The following CDH2 variants were observed in gnomAD, a reference collection of about 807,000 sequenced individuals.
CDH2 encodes cadherin-2.
CDH2 carries 17 observed loss-of-function variants against 92.0 expected under a neutral mutation model. That is an observed-to-expected ratio of 0.18 (90% CI 0.13 to 0.28). The LOEUF is 0.28. Among genes scored for constraint, CDH2 ranks in the 10% least tolerant of loss-of-function variants. The probability of loss-of-function intolerance (pLI) is 1.00; values close to 1 mark genes in which losing one functional copy is unlikely to be tolerated. For missense variants in CDH2, 862 were observed against 1,133.1 expected (o/e 0.76, Z 3.44); for synonymous variants, 419 against 415.9 (o/e 1.01, Z -0.09).
At chr18:28,155,271 GTAATAA>G (rs150527560) in intron 1 of CDH2, among the ~76,000 whole-genome samples, 1 of 151,634 alleles carries the variant, frequency 6.6e-6, no homozygotes, top group Admixed American at 6.6e-5. Flanking sequence ...TTCCTCCTCT[GTAATAA>G]TAATAATAAT....
intron 9 of CDH2, among the ~76,000 whole-genome samples, chr18:27,991,779 G>A (rs867027016): frequency 3.3e-5 from 5 of 152,028 alleles, no homozygotes; most frequent in Admixed American, 2.6e-4. Flanking sequence ...TTCTACTCCC[G>A]CATCTGCATA....
chr18:28,059,035 C>T (rs1370176588), intron 2 of CDH2, among the ~76,000 whole-genome samples: 1 of 152,126 alleles, frequency 6.6e-6, no homozygotes, highest in East Asian at 1.9e-4. Context: ...TTTATGGGGG[C>T]CCTTGCTAAG....
intron 7 of CDH2, among the ~76,000 whole-genome samples, chr18:28,001,589 C>T (rs891590197): frequency 1.3e-5 from 2 of 151,846 alleles, no homozygotes; most frequent in Admixed American, 1.3e-4. Flanking sequence ...TGAAAATATA[C>T]ACATGTTACT....
intron 2 of CDH2, among the ~76,000 whole-genome samples, chr18:28,061,861 T>A (rs1014474757): frequency 2.0e-5 from 3 of 152,068 alleles, no homozygotes; most frequent in Non-Finnish European, 2.9e-5. Flanking sequence ...CTTACTATCA[T>A]GAGAATATCA....
intron 14 of CDH2, among the ~76,000 whole-genome samples, chr18:27,975,091 T>C (rs1235320424): frequency 1.3e-5 from 2 of 152,190 alleles, no homozygotes; most frequent in Non-Finnish European, 2.9e-5. Context: ...TTCTCAGTCC[T>C]GGAATGGGAA....
chr18:28,176,117 T>C (rs748585263), intron 1 of CDH2, among the ~76,000 whole-genome samples: 2 of 152,042 alleles, frequency 1.3e-5, no homozygotes, highest in Non-Finnish European at 2.9e-5. Flanking sequence ...AGGAGCCTCT[T>C]AGTAGAGATT....
chr18:28,139,401 C>T (rs544370607), intron 2 of CDH2, among the ~76,000 whole-genome samples: 1 of 152,084 alleles, frequency 6.6e-6, no homozygotes, highest in African/African-American at 2.4e-5. Context: ...CAACTACCAC[C>T]CAATTTCTTC....
At chr18:28,121,583 TG>T (rs2015588265) in intron 2 of CDH2, among the ~76,000 whole-genome samples, 1 of 152,176 alleles carries the variant, frequency 6.6e-6, no homozygotes, top group East Asian at 1.9e-4. Flanking sequence ...TCTCCAGCTC[TG>T]GATGTCCTCC....
intron 2 of CDH2, among the ~76,000 whole-genome samples, chr18:28,017,693 T>G (rs1031674326): frequency 1.3e-5 from 2 of 152,064 alleles, no homozygotes; most frequent in African/African-American, 4.8e-5. Context: ...TTCCTTAAGG[T>G]GTGACCTTAA....
Position 27,963,312 on chromosome 18 carries a change from CATGAA to C in CDH2, c.2514+40_2514+44del, listed in dbSNP as rs1372130104. On this transcript the variant is annotated intron_variant, in intron 15 of 15. Transcript: ENST00000269141. ...TGGCCTACAGAGATCTAACCATTAG[CATGAA>C]ATGAAAACTCTTATAGAGAAAACGA... 3 of 1,579,180 alleles carry C rather than the reference CATGAA, an allele frequency of 1.9e-6. No individual in the cohort carries two copies. In the South Asian group the frequency reaches 3.3e-5, roughly 18 times the overall value.
chr18:28,064,428 G>A (rs2014466433), intron 2 of CDH2, among the ~76,000 whole-genome samples: 2 of 152,134 alleles, frequency 1.3e-5, no homozygotes, highest in Non-Finnish European at 2.9e-5. Flanking sequence ...ACCACACCTG[G>A]CATCCTCTTT....
At chr18:28,074,176 A>G (rs955065902) in intron 2 of CDH2, among the ~76,000 whole-genome samples, 6 of 152,196 alleles carry the variant, frequency 3.9e-5, no homozygotes, top group African/African-American at 1.4e-4. Context: ...GGTGAACTTA[A>G]TATGTGGATG....
chr18:28,071,521 T>G (rs2014617862), intron 2 of CDH2, among the ~76,000 whole-genome samples: 1 of 152,166 alleles, frequency 6.6e-6, no homozygotes, highest in Non-Finnish European at 1.5e-5. Context: ...TTCCCAGGAC[T>G]GCACAAGTCA....
At chr18:28,138,958 A>G (rs187714116) in intron 2 of CDH2, among the ~76,000 whole-genome samples, 1 of 152,234 alleles carries the variant, frequency 6.6e-6, no homozygotes, top group East Asian at 1.9e-4. Flanking sequence ...GTATTCTTGC[A>G]GAAACTGGAA....
intron 1 of CDH2, among the ~76,000 whole-genome samples, chr18:28,173,583 A>G (rs1308727269): frequency 2.0e-5 from 3 of 152,266 alleles, no homozygotes; most frequent in Middle Eastern, 3.4e-3. Flanking sequence ...TGAAAAACAC[A>G]TAAGGTTTAT....
At position 28,011,951 on chromosome 18, in the gene CDH2, G is replaced by A. The variant is rs200543712; in HGVS notation, c.441C>T (p.Phe147=). The change falls in exon 4 of 16, where the codon TTC becomes TTT. Residue 147 remains phenylalanine (F), a synonymous_variant. Coordinates refer to ENST00000269141, the MANE Select transcript of CDH2 (RefSeq NM_001792.5). ...TTTGTAGGTGGCCACTGTGCTTACT[G>A]AATTGTCTTGGGAACACTATTTCTT... ...EVEEIVFPRQ[F]SKHSGHLQRQ... 3.5e-5 allele frequency: 57 copies of A among 1,613,720 alleles called. No individual in the cohort carries two copies. In the Admixed American group the frequency reaches 5.2e-4, roughly 15 times the overall value.
intron 6 of CDH2, among the ~76,000 whole-genome samples, chr18:28,004,184 G>GT (rs2012848959): frequency 2.0e-5 from 3 of 152,178 alleles, no homozygotes; most frequent in East Asian, 1.9e-4. Context: ...TTGTTTGCAT[G>GT]TTTTTTATTT....
At chr18:28,044,831 A>C (rs2014040145) in intron 2 of CDH2, among the ~76,000 whole-genome samples, 1 of 146,884 alleles carries the variant, frequency 6.8e-6, no homozygotes, top group Admixed American at 6.9e-5. Flanking sequence ...GAAGATTTTA[A>C]AAAGATAATA....
intron 2 of CDH2, among the ~76,000 whole-genome samples, chr18:28,109,232 T>C (rs1204033212): frequency 6.6e-6 from 1 of 152,206 alleles, no homozygotes; most frequent in Non-Finnish European, 1.5e-5. Context: ...AAAATAAATG[T>C]ATTTTAGTAG....
Sources: gnomAD v4.1 joint callset for allele counts (sites outside exome capture counted in the v4.1 genomes callset) on GRCh38, gnomAD v4.1.1 for gene constraint, MANE v1.5 for transcripts, NCBI Gene and HGNC (gene_info 2026-07-23, HGNC 2026-07-21) for gene names.